KCND2: variants seen among roughly 807,000 people sequenced by gnomAD.
The protein encoded by KCND2 is A-type voltage-gated potassium channel KCND2.
In KCND2, 16 loss-of-function variants were observed where a neutral mutation model predicts 54.4. That is an observed-to-expected ratio of 0.29 (90% CI 0.20 to 0.45). KCND2 has a LOEUF of 0.45. Among genes scored for constraint, KCND2 ranks in the 20% least tolerant of loss-of-function variants. The probability of loss-of-function intolerance (pLI) is 1.00; values close to 1 mark genes in which losing one functional copy is unlikely to be tolerated. For synonymous variants in KCND2, 317 were observed against 310.7 expected (o/e 1.02, Z -0.21); for missense variants, 486 against 824.2 (o/e 0.59, Z 5.02).
intron 1 of KCND2, among the ~76,000 whole-genome samples, chr7:120,394,928 A>G (rs1801131949): frequency 6.6e-6 from 1 of 152,056 alleles, no homozygotes; most frequent in African/African-American, 2.4e-5. Flanking sequence ...TTTTCTGGGA[A>G]TAAAACATAC....
At chr7:120,697,643 A>G (rs1386995917) in intron 1 of KCND2, among the ~76,000 whole-genome samples, 2 of 152,326 alleles carry the variant, frequency 1.3e-5, no homozygotes, top group East Asian at 1.9e-4. Flanking sequence ...CAGTAAGTTT[A>G]CCCCAGTGGA....
intron 1 of KCND2, among the ~76,000 whole-genome samples, chr7:120,430,982 A>G (rs1801781531): frequency 6.6e-6 from 1 of 152,256 alleles, no homozygotes; most frequent in African/African-American, 2.4e-5. Flanking sequence ...ATCAATAAAT[A>G]TATCACACAT....
intron 1 of KCND2, among the ~76,000 whole-genome samples, chr7:120,498,266 A>G (rs1007768628): frequency 1.3e-5 from 2 of 152,032 alleles, no homozygotes; most frequent in Non-Finnish European, 2.9e-5. Context: ...TGGATCAAGA[A>G]GTCAAGAGAT....
intron 1 of KCND2, among the ~76,000 whole-genome samples, chr7:120,484,699 ACG>A (rs1019888319): frequency 5.5e-4 from 71 of 130,228 alleles, no homozygotes; most frequent in Non-Finnish European, 3.0e-5. Flanking sequence ...TATATATTAC[ACG>A]CACACACACA....
At chr7:120,574,095 C>T (rs958139814) in intron 1 of KCND2, among the ~76,000 whole-genome samples, 1 of 152,106 alleles carries the variant, frequency 6.6e-6, no homozygotes, top group Non-Finnish European at 1.5e-5. Flanking sequence ...TTGAATGAAT[C>T]CTAGAAAACG....
At chr7:120,530,977 A>C (rs1791836632) in intron 1 of KCND2, among the ~76,000 whole-genome samples, 1 of 151,750 alleles carries the variant, frequency 6.6e-6, no homozygotes, top group African/African-American at 2.4e-5. Context: ...TCTGTATACA[A>C]CTCACCTGTC....
intron 1 of KCND2, among the ~76,000 whole-genome samples, chr7:120,441,051 T>A (rs560793047): frequency 1.3e-5 from 2 of 151,828 alleles, no homozygotes; most frequent in South Asian, 4.1e-4. Flanking sequence ...CACATTACCA[T>A]CACAACTGAT....
chr7:120,515,770 G>A (rs1055098002), intron 1 of KCND2, among the ~76,000 whole-genome samples: 25 of 152,114 alleles, frequency 1.6e-4, no homozygotes, highest in African/African-American at 5.8e-4. Flanking sequence ...TGGTGATGCC[G>A]AGGTGAGGTT....
At position 120,572,163 on chromosome 7, in the gene KCND2, CCTAA is replaced by C. The variant is rs929958359; in HGVS notation, c.1116-160736_1116-160733del. ...GGAGCTAGTGCTTGCCTTTTCCCAT[CCTAA>C]CTATGAATGCTTTTTTTTTTTTTCA... On this transcript the variant is annotated intron_variant, in intron 1 of 5. Transcript: ENST00000331113. 5.3e-4 allele frequency among the ~76,000 whole-genome samples: 80 copies of C among 151,670 alleles called. 1 individual carries two copies. Among genetic ancestry groups the C allele is most frequent in the African/African-American group, 1.8e-3 (75 of 41,398 alleles).
At chr7:120,350,161 A>C (rs1194881225) in intron 1 of KCND2, among the ~76,000 whole-genome samples, 1 of 152,110 alleles carries the variant, frequency 6.6e-6, no homozygotes, top group Non-Finnish European at 1.5e-5. Flanking sequence ...CTGCCTTTAA[A>C]TTCAGATTCT....
chr7:120,336,629 A>G (rs1313692214), intron 1 of KCND2, among the ~76,000 whole-genome samples: 1 of 152,182 alleles, frequency 6.6e-6, no homozygotes, highest in Non-Finnish European at 1.5e-5. Flanking sequence ...GTCCTTCTCC[A>G]TGTAGAGATA....
chr7:120,375,509 C>T (rs1020984174), intron 1 of KCND2, among the ~76,000 whole-genome samples: 5 of 151,706 alleles, frequency 3.3e-5, no homozygotes, highest in East Asian at 3.9e-4. Context: ...TGGAAATATG[C>T]GTTTTCAATA....
intron 1 of KCND2, among the ~76,000 whole-genome samples, chr7:120,594,627 A>G (rs1482674140): frequency 6.6e-6 from 1 of 152,204 alleles, no homozygotes; most frequent in Non-Finnish European, 1.5e-5. Flanking sequence ...TGGCATTGGG[A>G]AATCACAAAT....
chr7:120,456,271 GT>G (rs776267845), intron 1 of KCND2, among the ~76,000 whole-genome samples: 69 of 152,290 alleles, frequency 4.5e-4, no homozygotes, highest in Non-Finnish European at 7.2e-4. Flanking sequence ...GACTAGGTAG[GT>G]GGGTGACATT....
chr7:120,581,711 A>G (rs548648902), intron 1 of KCND2, among the ~76,000 whole-genome samples: 4 of 60,882 alleles, frequency 6.6e-5, no homozygotes, highest in Non-Finnish European at 1.5e-4. Flanking sequence ...AAATTGGTAG[A>G]TCTTAATAAT....
chr7:120,392,091 A>G (rs1801088500), intron 1 of KCND2, among the ~76,000 whole-genome samples: 2 of 152,048 alleles, frequency 1.3e-5, no homozygotes. Flanking sequence ...TAATTTTTGT[A>G]TAAGATGTAA....
intron 1 of KCND2, among the ~76,000 whole-genome samples, chr7:120,646,156 C>T (rs1793439732): frequency 6.6e-6 from 1 of 152,198 alleles, no homozygotes; most frequent in Admixed American, 6.5e-5. Flanking sequence ...AGATTTCCTT[C>T]CCACAACCAT....
intron 1 of KCND2, among the ~76,000 whole-genome samples, chr7:120,328,450 A>T (rs1189608386): frequency 6.6e-6 from 1 of 152,164 alleles, no homozygotes; most frequent in East Asian, 1.9e-4. Flanking sequence ...TAACTTTCCA[A>T]TGCCATTCAG....
intron 1 of KCND2, among the ~76,000 whole-genome samples, chr7:120,599,070 G>T (rs1014433020): frequency 6.6e-6 from 1 of 152,088 alleles, no homozygotes; most frequent in Non-Finnish European, 1.5e-5. Flanking sequence ...AGCACTATTT[G>T]TTCAAAAGAT....
Sources: allele counts gnomAD v4.1 joint callset (sites outside exome capture counted in the v4.1 genomes callset), GRCh38; gene constraint gnomAD v4.1.1; transcripts MANE v1.5; gene names NCBI Gene and HGNC (gene_info 2026-07-23, HGNC 2026-07-21).